The following CNTLN variants were observed in gnomAD, a reference collection of about 807,000 sequenced individuals.
The protein encoded by CNTLN is centlein, centrosomal protein.
In CNTLN, 212 loss-of-function variants were observed where a neutral mutation model predicts 180.0. The observed-to-expected ratio is 1.18, with a 90% CI of 1.05 to 1.32. The LOEUF (loss-of-function observed/expected upper bound fraction) is 1.32. CNTLN is among the 40% of genes most tolerant of loss of function. The probability of loss-of-function intolerance (pLI) is 0.00; values close to 1 mark genes in which losing one functional copy is unlikely to be tolerated. For synonymous variants in CNTLN, 722 were observed against 563.1 expected, an observed-to-expected ratio of 1.28 and a Z score of -3.99; for missense variants, 2,095 against 1,610.9, an observed-to-expected ratio of 1.30 and a Z score of -5.14.
At chr9:17,137,119 T>A (rs1339545630) in intron 1 of CNTLN, among the ~76,000 whole-genome samples, 1 of 152,234 alleles carries the variant, frequency 6.6e-6, no homozygotes, top group African/African-American at 2.4e-5. Flanking sequence ...AACATGGTGT[T>A]GGCTTTTGTG....
chr9:17,251,911 A>C (rs1042624784), intron 5 of CNTLN, among the ~76,000 whole-genome samples: 2 of 151,784 alleles, frequency 1.3e-5, no homozygotes, highest in Non-Finnish European at 3.0e-5. Context: ...CCTTCCTAGT[A>C]TATGGTATCT....
At chr9:17,212,229 A>G (rs1382024601) in intron 2 of CNTLN, among the ~76,000 whole-genome samples, 1 of 152,182 alleles carries the variant, frequency 6.6e-6, no homozygotes, top group Non-Finnish European at 1.5e-5. Context: ...GATACGTCCC[A>G]CCAATACCTA....
chr9:17,277,268 G>T lies in CNTLN; in HGVS notation c.983+3402G>T, dbSNP rs919839484. Among the ~76,000 whole-genome samples, 12 of 75,570 alleles carry T rather than the reference G, an allele frequency of 1.6e-4. 3 individuals are homozygous for T. Among genetic ancestry groups the T allele is most frequent in the Admixed American group, 1.0e-3 (8 of 7,918 alleles). 49.6% of individuals were successfully genotyped at this position (75,570 alleles called of 152,430 possible). On this transcript the variant is annotated intron_variant, in intron 6 of 25. Transcript: ENST00000380647. ...TCTGTGGGGGATTGGTTTAGATGGG[G>T]TAGATGGGGTAGAACCATTACCTAA...
intron 2 of CNTLN, among the ~76,000 whole-genome samples, chr9:17,207,682 C>T (rs1018737776): frequency 5.3e-5 from 8 of 152,040 alleles, no homozygotes; most frequent in Non-Finnish European, 8.8e-5. Context: ...ACTGCTTAAC[C>T]AGTCCCAATG....
At chr9:17,487,334 C>A (rs1179506105) in intron 25 of CNTLN, among the ~76,000 whole-genome samples, 1 of 152,110 alleles carries the variant, frequency 6.6e-6, no homozygotes, top group Non-Finnish European at 1.5e-5. Context: ...GCTTGCTAGA[C>A]TGAAAAGGAT....
At chr9:17,189,290 G>C (rs1195557642) in intron 2 of CNTLN, among the ~76,000 whole-genome samples, 1 of 151,100 alleles carries the variant, frequency 6.6e-6, no homozygotes, top group Non-Finnish European at 1.5e-5. Flanking sequence ...CACCATGTTA[G>C]CCAGGATGGT....
chr9:17,422,918 G>A (rs1245952471), intron 18 of CNTLN, among the ~76,000 whole-genome samples: 1 of 152,140 alleles, frequency 6.6e-6, no homozygotes, highest in Non-Finnish European at 1.5e-5. Context: ...GGTCACTGAA[G>A]CCACAAATCC....
At chr9:17,214,109 G>T (rs1262846808) in intron 2 of CNTLN, among the ~76,000 whole-genome samples, 1 of 152,066 alleles carries the variant, frequency 6.6e-6, no homozygotes, top group Non-Finnish European at 1.5e-5. Context: ...GATTTTAGCT[G>T]GTTATTTTGC....
chr9:17,397,782 A>C (rs746874709), intron 15 of CNTLN, among the ~76,000 whole-genome samples: 10 of 152,152 alleles, frequency 6.6e-5, no homozygotes, highest in Non-Finnish European at 1.2e-4. Flanking sequence ...GACATATCAT[A>C]CAATATCTCT....
chr9:17,155,449 A>G (rs981604352), intron 2 of CNTLN, among the ~76,000 whole-genome samples: 2 of 152,130 alleles, frequency 1.3e-5, no homozygotes, highest in Admixed American at 6.5e-5. Flanking sequence ...TGCCTTTTTT[A>G]TAGAGATGCC....
intron 12 of CNTLN, among the ~76,000 whole-genome samples, chr9:17,357,022 A>G (rs1822903092): frequency 6.6e-6 from 1 of 151,852 alleles, no homozygotes; most frequent in South Asian, 2.1e-4. Context: ...CTCATTTCCT[A>G]CTTCTCACAG....
At chr9:17,518,832 C>T in the CNTLN span, among the ~76,000 whole-genome samples, 3 of 152,110 alleles carry the variant, frequency 2.0e-5, no homozygotes, top group Non-Finnish European at 4.4e-5. Context: ...GAGCTGGGAC[C>T]CCAAGTGAGA....
chr9:17,237,398 C>T (rs1825217420), intron 5 of CNTLN, among the ~76,000 whole-genome samples: 1 of 144,368 alleles, frequency 6.9e-6, no homozygotes, highest in Non-Finnish European at 1.5e-5. Context: ...CACACACACA[C>T]ACACACACGG....
chr9:17,197,318 AT>A (rs1822197786), intron 2 of CNTLN, among the ~76,000 whole-genome samples: 1 of 152,168 alleles, frequency 6.6e-6, no homozygotes, highest in Non-Finnish European at 1.5e-5. Flanking sequence ...TGACTTCTGG[AT>A]AAAAGCCATT....
intron 18 of CNTLN, among the ~76,000 whole-genome samples, chr9:17,417,430 A>C (rs1429462442): frequency 6.6e-6 from 1 of 152,014 alleles, no homozygotes; most frequent in Non-Finnish European, 1.5e-5. Flanking sequence ...CAAATAGCAA[A>C]GTGACATGAA....
chr9:17,189,588 A>T (rs1214698596), intron 2 of CNTLN, among the ~76,000 whole-genome samples: 2 of 151,070 alleles, frequency 1.3e-5, no homozygotes, highest in Non-Finnish European at 2.9e-5. Flanking sequence ...GGTTCAAGCG[A>T]TTCTCCTGTC....
At chr9:17,218,236 CAAAGT>C (rs1485551917) in intron 2 of CNTLN, among the ~76,000 whole-genome samples, 5 of 152,022 alleles carry the variant, frequency 3.3e-5, no homozygotes, top group Non-Finnish European at 5.9e-5. Context: ...TGTATAAAAG[CAAAGT>C]AGATATATTA....
the CNTLN span, among the ~76,000 whole-genome samples, chr9:17,524,873 A>G: frequency 6.6e-6 from 1 of 152,192 alleles, no homozygotes. Flanking sequence ...AGCCCCTGAC[A>G]CCTGGGAGAC....
chr9:17,501,189 A>G lies in CNTLN; in HGVS notation c.4120-1362A>G, dbSNP rs542194095. ...AACTGAAGAAATGTGCTCTTTTGGT[A>G]TCTTATACTTTCTTTAGTGGTAAGT... On this transcript the variant is annotated intron_variant, in intron 25 of 25. Transcript: ENST00000380647. Among the ~76,000 whole-genome samples the G allele has an allele frequency of 2.4e-3, 360 of 152,316 alleles. 1 individual carries two copies. Among genetic ancestry groups the G allele is most frequent in the African/African-American group, 8.5e-3 (353 of 41,582 alleles).
Sources: gnomAD v4.1 joint callset for allele counts (sites outside exome capture counted in the v4.1 genomes callset) on GRCh38, gnomAD v4.1.1 for gene constraint, MANE v1.5 for transcripts, NCBI Gene and HGNC (gene_info 2026-07-23, HGNC 2026-07-21) for gene names.